Variants in CLVS1 observed in about 807,000 individuals in gnomAD.
CLVS1 encodes the protein clavesin 1, also known as clavesin-1.
Under a neutral mutation model 33.1 loss-of-function variants are expected in CLVS1, and 10 were observed. The ratio of observed to expected loss-of-function variants is 0.30; its 90% CI spans 0.19 to 0.51. The LOEUF (loss-of-function observed/expected upper bound fraction) is 0.51. Among genes scored for constraint, CLVS1 ranks in the 20% least tolerant of loss-of-function variants. The pLI is 0.97. For missense variants in CLVS1, 343 were observed against 433.4 expected (o/e 0.79, Z 1.85); for synonymous variants, 163 against 166.1 (o/e 0.98, Z 0.14).
the CLVS1 span, among the ~76,000 whole-genome samples, chr8:60,983,773 C>T: frequency 1.3e-5 from 2 of 152,168 alleles, no homozygotes; most frequent in South Asian, 2.1e-4. Context: ...GTGTGAAATC[C>T]GTGGAAGCAC....
intron 3 of CLVS1, among the ~76,000 whole-genome samples, chr8:61,387,154 G>GAA (rs1443737737): frequency 6.6e-6 from 1 of 152,142 alleles, no homozygotes; most frequent in African/African-American, 2.4e-5. Flanking sequence ...TTGGGAGGCC[G>GAA]AAGTGGGCAG....
chr8:61,321,983 G>A, intron 2 of CLVS1, among the ~76,000 whole-genome samples: 1 of 151,920 alleles, frequency 6.6e-6, no homozygotes, highest in East Asian at 1.9e-4. Context: ...CTAAAACATT[G>A]TATATTTAGT....
chr8:61,319,217 G>C (rs1012928996), intron 2 of CLVS1, among the ~76,000 whole-genome samples: 1 of 152,142 alleles, frequency 6.6e-6, no homozygotes, highest in African/African-American at 2.4e-5. Context: ...GAGTCTCTAA[G>C]TGAGTCCTCT....
intron 2 of CLVS1, among the ~76,000 whole-genome samples, chr8:61,323,906 T>C (rs1811285481): frequency 6.6e-6 from 1 of 152,154 alleles, no homozygotes; most frequent in South Asian, 2.1e-4. Context: ...TTGTTTTCTG[T>C]CCTTGTGTTA....
chr8:61,466,144 T>C (rs1225461910), intron 5 of CLVS1, among the ~76,000 whole-genome samples: 1 of 152,198 alleles, frequency 6.6e-6, no homozygotes, highest in East Asian at 1.9e-4. Context: ...CAACAAAGAA[T>C]AGTAAATAAG....
chr8:61,412,545 C>T (rs2610519), intron 3 of CLVS1, among the ~76,000 whole-genome samples: 46,921 of 152,032 alleles, frequency 0.31, 8,044 homozygotes, highest in African/African-American at 0.45. Context: ...GGAGGCATTC[C>T]ATGGCATTCA....
chr8:61,333,451 CAGAA>C (rs1811674117), intron 2 of CLVS1, among the ~76,000 whole-genome samples: 1 of 152,070 alleles, frequency 6.6e-6, no homozygotes. Flanking sequence ...AAAAATAAAA[CAGAA>C]AGAAAAGTCT....
chr8:61,113,709 A>G (rs1805668904), intron 1 of CLVS1, among the ~76,000 whole-genome samples: 2 of 152,224 alleles, frequency 1.3e-5, no homozygotes, highest in African/African-American at 4.8e-5. Context: ...CGGCACCTGC[A>G]CTGACACCCG....
chr8:61,500,886 T>G lies in CLVS1; in HGVS notation c.*1344T>G, dbSNP rs1377459064. On this transcript the variant is annotated 3_prime_UTR_variant, in exon 6 of 6. Coordinates refer to ENST00000325897, the MANE Select transcript of CLVS1 (RefSeq NM_173519.3). The stretch of plus-strand genomic sequence containing the variant: ...TAAATAATTCAAGGGAAAGAGATTA[T>G]TCAACTGGTCATAATCACCCCTGAT... 2 of 152,178 alleles carry G rather than the reference T, an allele frequency of 1.3e-5. No individual in the cohort carries two copies. The highest frequency in any genetic ancestry group is 2.9e-5 in the Non-Finnish European group (2 of 68,020). 9.4% of individuals were successfully genotyped at this position (152,178 alleles called of 1,614,324 possible).
chr8:61,021,747 CA>C, the CLVS1 span, among the ~76,000 whole-genome samples: 12 of 152,116 alleles, frequency 7.9e-5, no homozygotes, highest in South Asian at 4.1e-4. Flanking sequence ...ATTTTAGATT[CA>C]GGGGGTACAT....
chr8:61,412,400 G>T (rs978007278), intron 3 of CLVS1, among the ~76,000 whole-genome samples: 2 of 152,200 alleles, frequency 1.3e-5, no homozygotes, highest in African/African-American at 4.8e-5. Context: ...GGGGGTCTCA[G>T]TGGAGACTTT....
chr8:61,472,345 G>C (rs1276457904), intron 5 of CLVS1, among the ~76,000 whole-genome samples: 2 of 152,082 alleles, frequency 1.3e-5, no homozygotes, highest in East Asian at 3.9e-4. Flanking sequence ...AGAGGGGAGG[G>C]AAGGAAAGAA....
chr8:61,135,595 A>G (rs1806178536), intron 2 of CLVS1, among the ~76,000 whole-genome samples: 1 of 152,234 alleles, frequency 6.6e-6, no homozygotes, highest in Non-Finnish European at 1.5e-5. Flanking sequence ...AGGAGAAATC[A>G]GGTCAGATGA....
At chr8:61,088,173 T>C (rs114359394) in intron 1 of CLVS1, among the ~76,000 whole-genome samples, 5,354 of 152,302 alleles carry the variant, frequency 0.035, 357 homozygotes, top group African/African-American at 0.12. Flanking sequence ...TGCTGTATAG[T>C]GCCCCACTGT....
chr8:61,442,631 G>T (rs1173937185), intron 3 of CLVS1, among the ~76,000 whole-genome samples: 1 of 152,020 alleles, frequency 6.6e-6, no homozygotes, highest in Non-Finnish European at 1.5e-5. Context: ...ATGGAGTCTT[G>T]TTCTGTTGTC....
At chr8:61,251,859 A>C (rs536357412) in intron 2 of CLVS1, among the ~76,000 whole-genome samples, 1 of 152,202 alleles carries the variant, frequency 6.6e-6, no homozygotes, top group South Asian at 2.1e-4. Context: ...CTTTTCAAAA[A>C]ACCAGCTTCT....
chr8:61,149,883 T>A (rs2129294656), intron 2 of CLVS1, among the ~76,000 whole-genome samples: 1 of 152,280 alleles, frequency 6.6e-6, no homozygotes, highest in Admixed American at 6.5e-5. Flanking sequence ...AAATTTGCCA[T>A]CCTTTTTAGG....
chr8:61,071,049 C>T (rs908832717), intron 1 of CLVS1, among the ~76,000 whole-genome samples: 2 of 152,194 alleles, frequency 1.3e-5, no homozygotes, highest in Admixed American at 6.5e-5. Context: ...TAACTAAGTA[C>T]GTTTTGGGCA....
At chr8:61,434,810 G>C (rs998809863) in intron 3 of CLVS1, among the ~76,000 whole-genome samples, 7 of 152,118 alleles carry the variant, frequency 4.6e-5, no homozygotes, top group African/African-American at 1.7e-4. Flanking sequence ...GACCTAAAAG[G>C]GTGCCTGGTT....
Sources: allele counts gnomAD v4.1 joint callset (sites outside exome capture counted in the v4.1 genomes callset), GRCh38; gene constraint gnomAD v4.1.1; transcripts MANE v1.5; gene names NCBI Gene and HGNC (gene_info 2026-07-23, HGNC 2026-07-21).